ACVR1C: variants seen among roughly 807,000 people sequenced by gnomAD.
The protein encoded by ACVR1C is activin A receptor type 1C.
A neutral mutation model predicts 57.9 loss-of-function variants in ACVR1C; 23 were observed. The observed-to-expected ratio is 0.40, with a 90% CI of 0.29 to 0.56. ACVR1C has a LOEUF of 0.56. ACVR1C is among the 20% of genes least tolerant of loss of function. The pLI, the probability that ACVR1C is intolerant of heterozygous loss-of-function variation, is 0.50. For missense variants in ACVR1C, 480 were observed against 607.9 expected, an observed-to-expected ratio of 0.79 and a Z score of 2.21; for synonymous variants, 214 against 215.3, an observed-to-expected ratio of 0.99 and a Z score of 0.05.
At chr2:157,593,115 C>G (rs1213850583) in intron 1 of ACVR1C, among the ~76,000 whole-genome samples, 1 of 152,066 alleles carries the variant, frequency 6.6e-6, no homozygotes, top group African/African-American at 2.4e-5. Flanking sequence ...ACATCTGTTA[C>G]CCACATCAAC....
Position 157,550,360 on chromosome 2 carries a change from T to G in ACVR1C, c.577A>C (p.Arg193=). ...LPLLVQRTIA[R]TIVLQEIVGK... ...ACTATTTCCTGAAGCACAATCGTCC[T>G]TGCAATTGTCCTTTGAACCAACAGA... The change falls in exon 4 of 9, where the codon AGG becomes CGG. Residue 193 remains arginine (R), a synonymous_variant. Transcript: ENST00000243349. 2 of 1,614,194 alleles carry G rather than the reference T, an allele frequency of 1.2e-6. No individual in the cohort carries two copies. Among genetic ancestry groups the G allele is most frequent in the South Asian group, 1.1e-5 (1 of 91,090 alleles).
intron 1 of ACVR1C, among the ~76,000 whole-genome samples, chr2:157,601,604 A>G (rs1682283109): frequency 6.6e-6 from 1 of 152,218 alleles, no homozygotes; most frequent in Admixed American, 6.5e-5. Flanking sequence ...AAAACAAAAC[A>G]AAACAAAAAA....
Position 157,628,591 on chromosome 2 carries a change from C to T in ACVR1C, c.54G>A (p.Ala18=), listed in dbSNP as rs1682958279. The T allele has an allele frequency of 6.2e-7, 1 of 1,607,242 alleles. No homozygotes were observed. The highest frequency in any genetic ancestry group is 1.7e-5 in the Admixed American group (1 of 59,706). ...ALRQALLLLA[A]AAELSPGLKC... Reference sequence around the variant, plus strand: ...CCGTACCTGGCGAGAGCTCGGCGGCCGCTGCGAGCAGCAGGAGAGCCTGGC... The same window carrying T: ...CCGTACCTGGCGAGAGCTCGGCGGCTGCTGCGAGCAGCAGGAGAGCCTGGC... Residue 18 remains alanine (A), a synonymous_variant, in exon 1 of 9, where the codon GCG becomes GCA. Coordinates refer to ENST00000243349, the MANE Select transcript of ACVR1C (RefSeq NM_145259.3).
intron 2 of ACVR1C, among the ~76,000 whole-genome samples, chr2:157,566,356 A>G (rs936039738): frequency 5.3e-5 from 8 of 152,328 alleles, no homozygotes; most frequent in Admixed American, 2.0e-4. Flanking sequence ...GGGAATGTGG[A>G]GCCAAGATGG....
At chr2:157,589,101 C>G (rs1476942767) in intron 1 of ACVR1C, among the ~76,000 whole-genome samples, 1 of 151,510 alleles carries the variant, frequency 6.6e-6, no homozygotes, top group Non-Finnish European at 1.5e-5. Flanking sequence ...TCTTTGAGAA[C>G]TCTCCATACT....
In ACVR1C at chr2:157,587,104, C is replaced by T. The variant is rs2105256359; in HGVS notation, c.304+83G>A. 6 of 1,248,978 alleles carry T rather than the reference C, an allele frequency of 4.8e-6. No individual in the cohort carries two copies. In the East Asian group the frequency reaches 1.4e-4, roughly 29 times the overall value. 77.4% of individuals were successfully genotyped at this position (1,248,978 alleles called of 1,614,324 possible). ...AAACAGATTTTCCTATTTAAAGAAA[C>T]ATAAGACAGTTTGATTCCTACCATT... On this transcript the variant is annotated intron_variant, in intron 2 of 8. Transcript: ENST00000243349.
At chr2:157,547,281 T>C in intron 4 of ACVR1C, among the ~76,000 whole-genome samples, 1 of 106,242 alleles carries the variant, frequency 9.4e-6, no homozygotes, top group Non-Finnish European at 2.1e-5. Flanking sequence ...TAAACACATG[T>C]GTGCATGTGT....
At chr2:157,536,231 TGA>T (rs1687484227) in intron 8 of ACVR1C, among the ~76,000 whole-genome samples, 1 of 151,842 alleles carries the variant, frequency 6.6e-6, no homozygotes, top group Non-Finnish European at 1.5e-5. Context: ...ATAGAAACAA[TGA>T]GAGAAAAAAC....
At chr2:157,554,450 C>G (rs1480334751) in intron 3 of ACVR1C, among the ~76,000 whole-genome samples, 1 of 151,824 alleles carries the variant, frequency 6.6e-6, no homozygotes, top group Non-Finnish European at 1.5e-5. Context: ...AGGTGCCAGT[C>G]GTCTAGCCAA....
chr2:157,555,702 A>T (rs961246329), intron 3 of ACVR1C, among the ~76,000 whole-genome samples: 3 of 152,078 alleles, frequency 2.0e-5, no homozygotes, highest in Admixed American at 1.3e-4. Flanking sequence ...TTCCCTCAGA[A>T]CTCAACACCT....
At position 157,529,760 on chromosome 2, in the gene ACVR1C, GA is replaced by G. The variant is rs532928589; in HGVS notation, c.*4157del. ...TTGAAAGATAGTGAGGGAATATTAAGAAAAAAAGTGAGAAAAATAATGAAAT... is the reference window on the plus strand; with the variant it reads ...TTGAAAGATAGTGAGGGAATATTAAGAAAAAAGTGAGAAAAATAATGAAAT... On this transcript the variant is annotated 3_prime_UTR_variant, in exon 9 of 9. Transcript: ENST00000243349. 60 of 150,814 alleles carry G rather than the reference GA, an allele frequency of 4.0e-4. No homozygotes were observed. The highest frequency in any genetic ancestry group is 1.3e-3 in the African/African-American group (52 of 41,198). The allele number at this position is 150,814 out of a possible 1,614,324, so 9.3% of individuals were successfully genotyped here. A position where few individuals can be genotyped will look rare whatever the true frequency, so the allele number is the denominator to read the frequency against.
chr2:157,603,375 C>T (rs1474686247), intron 1 of ACVR1C, among the ~76,000 whole-genome samples: 1 of 152,164 alleles, frequency 6.6e-6, no homozygotes, highest in East Asian at 1.9e-4. Flanking sequence ...CCACTATGTG[C>T]ATGGCACTGT....
intron 1 of ACVR1C, among the ~76,000 whole-genome samples, chr2:157,623,981 T>C (rs1682841931): frequency 6.6e-6 from 1 of 152,184 alleles, no homozygotes. Flanking sequence ...TTTTGTTCTG[T>C]TTACTAATTA....
chr2:157,554,919 A>G (rs1203556039), intron 3 of ACVR1C, among the ~76,000 whole-genome samples: 1 of 151,966 alleles, frequency 6.6e-6, no homozygotes, highest in East Asian at 1.9e-4. Context: ...ATATATATAT[A>G]TATGGAATCC....
chr2:157,613,099 A>G (rs1444744448), intron 1 of ACVR1C, among the ~76,000 whole-genome samples: 1 of 152,164 alleles, frequency 6.6e-6, no homozygotes, highest in Non-Finnish European at 1.5e-5. Flanking sequence ...AGGGTCTCTC[A>G]CTTACCCATT....
At chr2:157,540,225 T>C (rs1285916450) in intron 7 of ACVR1C, among the ~76,000 whole-genome samples, 1 of 152,268 alleles carries the variant, frequency 6.6e-6, no homozygotes, top group African/African-American at 2.4e-5. Flanking sequence ...CGCTTAGTCC[T>C]AAGTCTGTCT....
chr2:157,542,624 A>G, intron 6 of ACVR1C, 82 bp downstream of exon 6: 8 of 1,455,620 alleles, frequency 5.5e-6, no homozygotes, highest in Non-Finnish European at 7.4e-6. Context: ...TTTGGACCTG[A>G]GCCTCCTCCA....
chr2:157,578,185 T>C (rs2105247836), intron 2 of ACVR1C, among the ~76,000 whole-genome samples: 1 of 152,324 alleles, frequency 6.6e-6, no homozygotes, highest in East Asian at 1.9e-4. Context: ...GATTGCAGGC[T>C]TGAGCCACCA....
intron 2 of ACVR1C, among the ~76,000 whole-genome samples, chr2:157,569,719 C>A: frequency 6.8e-5 from 1 of 14,636 alleles, no homozygotes; most frequent in Non-Finnish European, 1.4e-4. Flanking sequence ...TGGCAATAAT[C>A]AATAGTTTAC....
Sources: gnomAD v4.1 joint callset for allele counts (sites outside exome capture counted in the v4.1 genomes callset) on GRCh38, gnomAD v4.1.1 for gene constraint, MANE v1.5 for transcripts, NCBI Gene and HGNC (gene_info 2026-07-23, HGNC 2026-07-21) for gene names.